Variants in CUBN observed in about 807,000 individuals in gnomAD.
The protein encoded by CUBN is cubilin.
Under a neutral mutation model 405.3 loss-of-function variants are expected in CUBN, and 282 were observed. The ratio of observed to expected loss-of-function variants is 0.70; its 90% confidence interval spans 0.63 to 0.77. The LOEUF is 0.77. Ranked by LOEUF, CUBN falls within the 30% of genes least tolerant of loss-of-function variation. The pLI, the probability that CUBN is intolerant of heterozygous loss-of-function variation, is 0.00. For missense variants in CUBN, 4,514 were observed against 4,475.2 expected (o/e 1.01, Z -0.25); for synonymous variants, 1,684 against 1,617.0 (o/e 1.04, Z -0.99).
At chr10:16,837,001 G>A (rs776057030) in intron 62 of CUBN, among the ~76,000 whole-genome samples, 3 of 152,068 alleles carry the variant, frequency 2.0e-5, no homozygotes, top group Non-Finnish European at 4.4e-5. Flanking sequence ...CAGCCTCCCT[G>A]TCACAGGAAT....
In CUBN at chr10:16,948,581, G is replaced by T; in HGVS notation, c.5106C>A (p.Pro1702=). Residue 1702 remains proline, a synonymous_variant, in exon 35 of 67, where the codon CCC becomes CCA. Transcript: ENST00000377833. ...LRGRYCGTDM[P]HPITSFSSAL... Reference sequence around the variant, plus strand: ...CGCTGCTGAAGGATGTGATAGGATGGGGCATGTCGGTGCCACAGTAACGGC... The same window carrying T: ...CGCTGCTGAAGGATGTGATAGGATGTGGCATGTCGGTGCCACAGTAACGGC... The T allele has an allele frequency of 6.2e-7, 1 of 1,613,926 alleles. No individual in the cohort carries two copies. The highest frequency in any genetic ancestry group is 8.5e-7 in the Non-Finnish European group (1 of 1,179,932).
intron 42 of CUBN, 40 bp from the exon 43 acceptor site, chr10:16,925,464 T>C (rs778251966): frequency 1.2e-6 from 2 of 1,605,366 alleles, no homozygotes; most frequent in Non-Finnish European, 8.5e-7. Flanking sequence ...TCCTTTACAT[T>C]GCAAAAGAAG....
At chr10:16,979,506 G>A (rs1833202346) in intron 31 of CUBN, among the ~76,000 whole-genome samples, 1 of 152,086 alleles carries the variant, frequency 6.6e-6, no homozygotes, top group Non-Finnish European at 1.5e-5. Context: ...ACAGACCAAT[G>A]GAACAGAAGA....
intron 4 of CUBN, among the ~76,000 whole-genome samples, chr10:17,125,385 T>C (rs192783053): frequency 5.9e-4 from 90 of 152,294 alleles, no homozygotes; most frequent in African/African-American, 2.2e-3. Context: ...GCAAAGCACA[T>C]TCCTTCTCCA....
chr10:17,063,062 C>A (rs536186712), intron 22 of CUBN, among the ~76,000 whole-genome samples: 1 of 152,276 alleles, frequency 6.6e-6, no homozygotes, highest in South Asian at 2.1e-4. Flanking sequence ...ACTAGCCCAC[C>A]ACCTGGTGTC....
At chr10:16,895,694 A>G (rs1239209302) in intron 54 of CUBN, among the ~76,000 whole-genome samples, 1 of 152,170 alleles carries the variant, frequency 6.6e-6, no homozygotes, top group Non-Finnish European at 1.5e-5. Flanking sequence ...CTACTTCATC[A>G]GATATAAATA....
intron 60 of CUBN, among the ~76,000 whole-genome samples, chr10:16,846,439 G>T (rs1243299547): frequency 6.6e-6 from 1 of 152,110 alleles, no homozygotes; most frequent in Non-Finnish European, 1.5e-5. Flanking sequence ...CTTTGGGATA[G>T]TACAGTGATT....
intron 6 of CUBN, among the ~76,000 whole-genome samples, chr10:17,116,736 C>T (rs764010002): frequency 3.9e-5 from 6 of 152,168 alleles, no homozygotes; most frequent in Admixed American, 2.0e-4. Flanking sequence ...GCACAGGATT[C>T]GGCTTGCCTG....
rs114241678 is a variant in CUBN at position 16,872,078 on chromosome 10, T to C, written c.9237-2225A>G. On this transcript the variant is annotated intron_variant, in intron 58 of 66. Coordinates refer to ENST00000377833, the MANE Select transcript of CUBN (RefSeq NM_001081.4). ...CATCTCTACTAAATATATATATATA[T>C]ACAAAAGAAAAAATTACCCAGGCTG... Among the ~76,000 whole-genome samples, 1,397 of 151,522 alleles carry C rather than the reference T, an allele frequency of 9.2e-3. 23 individuals carry two copies. The highest frequency in any genetic ancestry group is 0.032 in the African/African-American group (1,307 of 41,248).
At chr10:17,057,399 T>C (rs903484166) in intron 22 of CUBN, among the ~76,000 whole-genome samples, 1 of 152,140 alleles carries the variant, frequency 6.6e-6, no homozygotes, top group Non-Finnish European at 1.5e-5. Context: ...GCATGTCTTA[T>C]GCAGAGGTGC....
intron 41 of CUBN, 21 bp from the exon 42 acceptor site, chr10:16,925,795 G>T (rs1237657775): frequency 6.2e-7 from 1 of 1,611,824 alleles, no homozygotes; most frequent in Non-Finnish European, 8.5e-7. Context: ...AGAAACAAAG[G>T]TCGGTTATTT....
chr10:16,951,109 T>C (rs1286462856), intron 33 of CUBN, among the ~76,000 whole-genome samples: 5 of 152,238 alleles, frequency 3.3e-5, no homozygotes, highest in African/African-American at 1.2e-4. Flanking sequence ...CTTGAACCAG[T>C]GAGATCTTTC....
At chr10:16,836,090 G>T in intron 63 of CUBN, 145 bp downstream of exon 63, 2 of 783,686 alleles carry the variant, frequency 2.6e-6, no homozygotes, top group Non-Finnish European at 4.3e-6. Context: ...ATTGGGCTGG[G>T]TTCTAGTTAA....
intron 56 of CUBN, among the ~76,000 whole-genome samples, chr10:16,885,057 G>C (rs1471916694): frequency 1.3e-5 from 2 of 152,188 alleles, no homozygotes; most frequent in African/African-American, 2.4e-5. Context: ...TATTGCACAT[G>C]AATCCCTCAG....
At chr10:17,014,509 T>C (rs1442398774) in intron 28 of CUBN, among the ~76,000 whole-genome samples, 1 of 152,160 alleles carries the variant, frequency 6.6e-6, no homozygotes. Context: ...ACTGTTTTAA[T>C]GTCTTAGGGT....
At chr10:17,044,590 T>C (rs539812108) in intron 25 of CUBN, among the ~76,000 whole-genome samples, 162 of 152,258 alleles carry the variant, frequency 1.1e-3, no homozygotes, top group African/African-American at 3.7e-3. Flanking sequence ...ACATTTTTAT[T>C]TAGATTTTTA....
intron 40 of CUBN, among the ~76,000 whole-genome samples, chr10:16,932,094 G>A (rs1842378762): frequency 6.6e-6 from 1 of 152,268 alleles, no homozygotes; most frequent in African/African-American, 2.4e-5. Flanking sequence ...GGGAAAAAGG[G>A]GGAGTGTCAT....
intron 56 of CUBN, among the ~76,000 whole-genome samples, chr10:16,883,722 T>C (rs58547865): frequency 0.035 from 5,306 of 152,340 alleles, 303 homozygotes; most frequent in African/African-American, 0.12. Context: ...GGTGTGAATC[T>C]GGGCCCACTC....
chr10:17,115,670 G>A, intron 6 of CUBN, 73 bp from the exon 7 acceptor site: 2 of 1,532,180 alleles, frequency 1.3e-6, no homozygotes, highest in Non-Finnish European at 1.8e-6. Context: ...ATATCAATGA[G>A]AAAAATAATT....
Sources: gnomAD v4.1 joint callset for allele counts (sites outside exome capture counted in the v4.1 genomes callset) on GRCh38, gnomAD v4.1.1 for gene constraint, MANE v1.5 for transcripts, NCBI Gene and HGNC (gene_info 2026-07-23, HGNC 2026-07-21) for gene names.